The following TSPAN7 variants were observed in gnomAD, a reference collection of about 807,000 sequenced individuals.
TSPAN7 encodes the protein tetraspanin 7, also known as tetraspanin-7.
A neutral mutation model predicts 17.6 loss-of-function variants in TSPAN7; 1 was observed. The ratio of observed to expected loss-of-function variants is 0.06; its 90% confidence interval spans 0.02 to 0.27. The LOEUF is 0.27. TSPAN7 is among the 10% of genes least tolerant of loss of function. The pLI is 1.00. For missense variants in TSPAN7, 112 were observed against 201.7 expected (o/e 0.56, Z 2.69); for synonymous variants, 78 against 79.0 (o/e 0.99, Z 0.07).
intron 5 of TSPAN7, among the ~76,000 whole-genome samples, chrX:38,678,236 G>A (rs775744041): frequency 3.6e-5 from 4 of 112,182 alleles, no homozygotes; most frequent in Non-Finnish European, 7.5e-5. Context: ...TTGACAGTTC[G>A]TAAGGGCAAG....
intron 1 of TSPAN7, among the ~76,000 whole-genome samples, chrX:38,573,551 A>G (rs761836688): frequency 8.9e-6 from 1 of 111,939 alleles, no homozygotes; most frequent in South Asian, 3.7e-4. Context: ...CATTAATATG[A>G]TACATTTGTT....
intron 1 of TSPAN7, chrX:38,646,157 C>A (rs2069644937): frequency 4.1e-6 from 3 of 723,738 alleles, no homozygotes; most frequent in Non-Finnish European, 3.7e-6. Flanking sequence ...AAAAAAAAAA[C>A]CTGTAAATAC....
intron 1 of TSPAN7, among the ~76,000 whole-genome samples, chrX:38,665,430 A>G (rs181615803): frequency 1.4e-4 from 16 of 111,411 alleles, no homozygotes; most frequent in Non-Finnish European, 2.8e-4. Flanking sequence ...TGCACCCTGG[A>G]ATCTATCCCA....
intron 1 of TSPAN7, among the ~76,000 whole-genome samples, chrX:38,643,672 CAAA>C (rs34238064): frequency 3.2e-4 from 18 of 56,043 alleles, no homozygotes; most frequent in East Asian, 2.3e-3. Flanking sequence ...CCGTCTCTAC[CAAA>C]AAAAAAAAAA....
intron 1 of TSPAN7, among the ~76,000 whole-genome samples, chrX:38,650,073 C>T (rs760613118): frequency 2.1e-4 from 24 of 112,017 alleles, no homozygotes; most frequent in African/African-American, 7.8e-4. Flanking sequence ...ACAGAGAGAG[C>T]CAGTGTGCAT....
rs370158518 is a variant in TSPAN7, at chrX:38,675,678, T to G, written c.442-27T>G. On this transcript the variant is annotated intron_variant, in intron 4 of 7. Coordinates refer to ENST00000378482, the MANE Select transcript of TSPAN7 (RefSeq NM_004615.4). ...AGACCACATTTGATCTGCCATTTTTTTATTCTTTTCCTTTCCCTGTTAATA... is the reference window on the plus strand; with the variant it reads ...AGACCACATTTGATCTGCCATTTTTGTATTCTTTTCCTTTCCCTGTTAATA... 100 of 1,209,326 alleles carry G rather than the reference T, an allele frequency of 8.3e-5. No homozygotes were observed. The African/African-American group carries it at 1.4e-3, about 17-fold the overall frequency.
chrX:38,583,414 G>A (rs1295554577), intron 1 of TSPAN7, among the ~76,000 whole-genome samples: 1 of 111,986 alleles, frequency 8.9e-6, no homozygotes, highest in African/African-American at 3.2e-5. Context: ...TTGCTTACCT[G>A]TCAGCCTTCC....
At chrX:38,562,859 T>C in intron 1 of TSPAN7, 1 of 557,118 alleles carries the variant, frequency 1.8e-6, no homozygotes, top group East Asian at 9.3e-5. Context: ...GGCAGTCATT[T>C]TGAAATCTGA....
At chrX:38,565,877 A>G (rs749412797) in intron 1 of TSPAN7, among the ~76,000 whole-genome samples, 74 of 111,448 alleles carry the variant, frequency 6.6e-4, no homozygotes, top group Non-Finnish European at 9.8e-4. Context: ...ATGTCTGGAG[A>G]CATTTTTGGC....
At chrX:38,686,574 C>A (rs1057255405) in intron 6 of TSPAN7, among the ~76,000 whole-genome samples, 1 of 111,853 alleles carries the variant, frequency 8.9e-6, no homozygotes, top group Non-Finnish European at 1.9e-5. Context: ...TGGGGTCACA[C>A]TTCTAGTGAA....
At chrX:38,631,898 A>G (rs2069553718) in intron 1 of TSPAN7, among the ~76,000 whole-genome samples, 2 of 112,235 alleles carry the variant, frequency 1.8e-5, no homozygotes, top group Non-Finnish European at 3.8e-5. Context: ...AAAGTTAAAC[A>G]TACCTAAACT....
At chrX:38,621,218 G>T (rs2069486045) in intron 1 of TSPAN7, among the ~76,000 whole-genome samples, 2 of 112,351 alleles carry the variant, frequency 1.8e-5, no homozygotes, top group South Asian at 7.4e-4. Flanking sequence ...TTTTAAGGAT[G>T]ATCAGCCCAT....
intron 1 of TSPAN7, among the ~76,000 whole-genome samples, chrX:38,629,567 G>A (rs1042169619): frequency 9.0e-6 from 1 of 111,506 alleles, no homozygotes; most frequent in Non-Finnish European, 1.9e-5. Flanking sequence ...GCATACACAC[G>A]ATAAAAGACT....
intron 1 of TSPAN7, among the ~76,000 whole-genome samples, chrX:38,608,458 A>G (rs2147415849): frequency 9.0e-6 from 1 of 111,011 alleles, no homozygotes; most frequent in South Asian, 3.8e-4. Context: ...GTTCAGTTCC[A>G]CTGCCTTTGT....
intron 1 of TSPAN7, among the ~76,000 whole-genome samples, chrX:38,576,537 TTGAA>T (rs1321235245): frequency 1.8e-5 from 2 of 112,199 alleles, no homozygotes; most frequent in Non-Finnish European, 3.8e-5. Context: ...TCTTTTTACT[TTGAA>T]TGTGATTTTT....
At chrX:38,595,277 A>T (rs1402832706) in intron 1 of TSPAN7, among the ~76,000 whole-genome samples, 1 of 111,691 alleles carries the variant, frequency 9.0e-6, no homozygotes, top group Non-Finnish European at 1.9e-5. Context: ...AAATTTGTAC[A>T]GGAATATAGA....
chrX:38,666,067 G>A lies in TSPAN7; in HGVS notation c.82-54G>A, dbSNP rs970924204. On this transcript the variant is annotated intron_variant, in intron 1 of 7. Transcript: ENST00000378482. ...TTCAAATTTGGCCACATTGCTCTGT[G>A]CTGATTCTCACCTCTCTTGGCAATA... 11 of 1,174,406 alleles carry A rather than the reference G, an allele frequency of 9.4e-6. No homozygotes were observed. In the African/African-American group the frequency reaches 1.8e-4, roughly 19 times the overall value.
At chrX:38,613,246 T>TA (rs1333617545) in intron 1 of TSPAN7, among the ~76,000 whole-genome samples, 4 of 112,206 alleles carry the variant, frequency 3.6e-5, no homozygotes, top group African/African-American at 9.7e-5. Flanking sequence ...TTTCCTGGGT[T>TA]AAAAAAATCA....
At chrX:38,672,510 G>C (rs1483234335) in intron 3 of TSPAN7, among the ~76,000 whole-genome samples, 1 of 110,209 alleles carries the variant, frequency 9.1e-6, no homozygotes, top group African/African-American at 3.3e-5. Flanking sequence ...AGTTTGTATG[G>C]GTGCTGCATT....
Sources: gnomAD v4.1 joint callset for allele counts (sites outside exome capture counted in the v4.1 genomes callset) on GRCh38, gnomAD v4.1.1 for gene constraint, MANE v1.5 for transcripts, NCBI Gene and HGNC (gene_info 2026-07-23, HGNC 2026-07-21) for gene names.